TPO: variants seen among roughly 807,000 people sequenced by gnomAD.
TPO encodes the protein thyroid peroxidase, also known as thyroid microsomal antigen.
Under a neutral mutation model 96.9 loss-of-function variants are expected in TPO, and 78 were observed. That is an observed-to-expected ratio of 0.81 (90% CI 0.67 to 0.97). The LOEUF (loss-of-function observed/expected upper bound fraction) is 0.97, where lower values mean the gene tolerates loss of function less well. Among genes scored for constraint, TPO ranks in the 50% least tolerant of loss-of-function variants. The probability of loss-of-function intolerance (pLI) is 0.00; values close to 1 mark genes in which losing one functional copy is unlikely to be tolerated. For missense variants in TPO, 1,252 were observed against 1,274.8 expected, an observed-to-expected ratio of 0.98 and a Z score of 0.27; for synonymous variants, 547 against 538.0, an observed-to-expected ratio of 1.02 and a Z score of -0.23.
At chr2:1,486,784 G>A (rs1384971023) in intron 9 of TPO, among the ~76,000 whole-genome samples, 1 of 151,680 alleles carries the variant, frequency 6.6e-6, no homozygotes, top group Non-Finnish European at 1.5e-5. Flanking sequence ...AAAGTTGACC[G>A]GCTCCAGGCG....
At position 1,535,854 on chromosome 2, in the gene TPO, C is replaced by T. The variant is rs1287676219; in HGVS notation, c.2619-4740C>T. 2.7e-5 allele frequency among the ~76,000 whole-genome samples: 2 copies of T among 74,928 alleles called. 1 individual carries two copies. The highest frequency in any genetic ancestry group is 4.7e-5 in the Non-Finnish European group (2 of 42,730). The allele number at this position is 74,928 out of a possible 152,430, so 49.2% of individuals were successfully genotyped here. On this transcript the variant is annotated intron_variant, in intron 15 of 16. Coordinates refer to ENST00000329066, the MANE Select transcript of TPO (RefSeq NM_001206744.2). ...ATCCCCAAACTGTGTGCAACCTCCC[C>T]GAATCCCCCCAACTTTGTGCAACCT...
chr2:1,527,000 C>T lies in TPO; in HGVS notation c.2618+10018C>T, dbSNP rs184946580. Among the ~76,000 whole-genome samples the T allele has an allele frequency of 3.6e-3, 525 of 145,484 alleles. 2 individuals are homozygous for T. The highest frequency in any genetic ancestry group is 7.1e-3 in the Middle Eastern group (2 of 280). ...AAATCCCCACACTGTGTGCAACCTC[C>T]TCAAATCCCCCCCACTGTGTGCAAC... is the stretch of plus-strand genomic sequence containing the variant. On this transcript the variant is annotated intron_variant, in intron 15 of 16. Coordinates refer to ENST00000329066, the MANE Select transcript of TPO (RefSeq NM_001206744.2).
chr2:1,416,584 C>A (rs115730327), intron 2 of TPO, among the ~76,000 whole-genome samples: 1,600 of 152,336 alleles, frequency 0.011, 34 homozygotes, highest in African/African-American at 0.036. Context: ...TTTTGGTTGA[C>A]ACATCACGAG....
intron 15 of TPO, among the ~76,000 whole-genome samples, chr2:1,538,399 C>T (rs1469884436): frequency 1.3e-5 from 2 of 152,076 alleles, no homozygotes; most frequent in East Asian, 3.9e-4. Context: ...TCCATATATG[C>T]AATTGTATAG....
At chr2:1,512,311 A>C in intron 14 of TPO, 2 of 764,348 alleles carry the variant, frequency 2.6e-6, no homozygotes, top group Non-Finnish European at 3.2e-6. Context: ...ATGTGTCTCT[A>C]GAGTTGAGAC....
intron 7 of TPO, among the ~76,000 whole-genome samples, chr2:1,470,099 CA>C (rs1669255924): frequency 6.6e-6 from 1 of 152,144 alleles, no homozygotes; most frequent in Non-Finnish European, 1.5e-5. Flanking sequence ...TATTTTTCAG[CA>C]ACAATTAATC....
At chr2:1,450,573 G>A (rs1667218663) in intron 5 of TPO, among the ~76,000 whole-genome samples, 1 of 152,180 alleles carries the variant, frequency 6.6e-6, no homozygotes, top group African/African-American at 2.4e-5. Flanking sequence ...CACTGGGAAA[G>A]GATCTTTCCA....
chr2:1,404,893 A>G (rs1213604462), intron 1 of TPO, among the ~76,000 whole-genome samples: 1 of 152,218 alleles, frequency 6.6e-6, no homozygotes, highest in Non-Finnish European at 1.5e-5. Flanking sequence ...GATTAATTTT[A>G]TAGCGCTGGT....
chr2:1,420,703 G>A (rs1338250565), intron 2 of TPO, among the ~76,000 whole-genome samples: 2 of 152,138 alleles, frequency 1.3e-5, no homozygotes, highest in Admixed American at 1.3e-4. Flanking sequence ...GCAGGCCTTG[G>A]TTTAGAAAGG....
chr2:1,538,061 CCCACACTGTGTGCAGCCTCCTCAAATCCT>C (rs1483769441), intron 15 of TPO, among the ~76,000 whole-genome samples: 2 of 95,538 alleles, frequency 2.1e-5, no homozygotes, highest in East Asian at 4.6e-4. Flanking sequence ...CCTCAAATCC[CCCACACTGTGTGCAGCCTCCTCAAATCCT>C]CCCCACTGTG....
intron 1 of TPO, among the ~76,000 whole-genome samples, chr2:1,401,279 C>A (rs1393534128): frequency 6.6e-6 from 1 of 152,228 alleles, no homozygotes; most frequent in East Asian, 1.9e-4. Context: ...AATTGGGCAG[C>A]ACTCGGAAAC....
intron 14 of TPO, among the ~76,000 whole-genome samples, chr2:1,509,541 C>T: frequency 6.6e-6 from 1 of 151,192 alleles, no homozygotes; most frequent in East Asian, 2.0e-4. Context: ...ACAGGATACC[C>T]TCTTGTTTCA....
chr2:1,398,362 C>T (rs993123599), intron 1 of TPO, among the ~76,000 whole-genome samples: 19 of 152,318 alleles, frequency 1.2e-4, no homozygotes, highest in South Asian at 6.2e-4. Context: ...AGCTCTGGCA[C>T]GGCTGGAAAC....
intron 15 of TPO, among the ~76,000 whole-genome samples, chr2:1,532,963 C>G (rs1440577733): frequency 1.9e-4 from 17 of 91,190 alleles, no homozygotes; most frequent in South Asian, 4.5e-4. Flanking sequence ...AATCCCCCCA[C>G]TGTGTCCAGC....
At chr2:1,423,664 A>G (rs1664026469) in intron 3 of TPO, among the ~76,000 whole-genome samples, 1 of 152,226 alleles carries the variant, frequency 6.6e-6, no homozygotes, top group African/African-American at 2.4e-5. Flanking sequence ...CCTGTAAAGC[A>G]GTTTGCCCTC....
At chr2:1,488,644 C>A (rs929781574) in intron 10 of TPO, among the ~76,000 whole-genome samples, 4 of 152,192 alleles carry the variant, frequency 2.6e-5, no homozygotes, top group African/African-American at 9.6e-5. Context: ...TGTCTAGGCC[C>A]GATCCCCTGA....
chr2:1,481,412 G>GATGT (rs1225449481), intron 8 of TPO, among the ~76,000 whole-genome samples: 2 of 152,164 alleles, frequency 1.3e-5, no homozygotes, highest in African/African-American at 4.8e-5. Context: ...ATCTGGCGTG[G>GATGT]ATGTTTTCTA....
rs777203466 is a variant in TPO at position 1,436,264 on chromosome 2, A to T, written c.362A>T (p.Glu121Val). ...CTATTTTTCACAGATGCTTTATCAG[A>T]AGATCTGCTGAGCATCATTGCAAAC... is the stretch of plus-strand genomic sequence containing the variant. ...QSQHPTDALSEDLLSIIANMS... is the reference protein window; with the variant it reads ...QSQHPTDALSVDLLSIIANMS... The change falls in exon 5 of 17, where the codon GAA (glutamate) becomes GTA (valine). Residue 121 changes from glutamate (E) to valine (V), a missense_variant. Transcript: ENST00000329066. 2 of 1,614,210 alleles carry T rather than the reference A, an allele frequency of 1.2e-6. No individual in the cohort carries two copies. The highest frequency in any genetic ancestry group is 8.5e-7 in the Non-Finnish European group (1 of 1,180,046).
chr2:1,428,815 G>A (rs190473937), intron 3 of TPO, among the ~76,000 whole-genome samples: 18 of 152,274 alleles, frequency 1.2e-4, no homozygotes, highest in African/African-American at 4.3e-4. Flanking sequence ...TTGCTATCCT[G>A]TCTACCATGG....
Sources: allele counts gnomAD v4.1 joint callset (sites outside exome capture counted in the v4.1 genomes callset), GRCh38; gene constraint gnomAD v4.1.1; transcripts MANE v1.5; gene names NCBI Gene and HGNC (gene_info 2026-07-23, HGNC 2026-07-21).